KIF26B: variants seen among roughly 807,000 people sequenced by gnomAD.
KIF26B encodes the protein kinesin-like protein KIF26B.
In KIF26B, 63 loss-of-function variants were observed where a neutral mutation model predicts 151.2. The observed-to-expected ratio is 0.42, with a 90% CI of 0.34 to 0.51. KIF26B has a LOEUF of 0.51. Among genes scored for constraint, KIF26B ranks in the 20% least tolerant of loss-of-function variants. The pLI is 0.07. For missense variants in KIF26B, 2,813 were observed against 2,913.6 expected (o/e 0.97, Z 0.79); for synonymous variants, 1,357 against 1,262.1 (o/e 1.08, Z -1.59).
chr1:245,399,724 T>C (rs900426632), intron 3 of KIF26B, among the ~76,000 whole-genome samples: 1 of 152,186 alleles, frequency 6.6e-6, no homozygotes, highest in Admixed American at 6.5e-5. Context: ...GTAAAGGGTA[T>C]GTTCAGCAAT....
intron 2 of KIF26B, among the ~76,000 whole-genome samples, chr1:245,168,848 C>T (rs1327560725): frequency 1.3e-5 from 2 of 152,126 alleles, no homozygotes; most frequent in East Asian, 1.9e-4. Context: ...GGTAGCTGCC[C>T]GCTGAGTCAA....
chr1:245,412,313 A>G (rs1674306040), intron 3 of KIF26B, among the ~76,000 whole-genome samples: 1 of 152,204 alleles, frequency 6.6e-6, no homozygotes, highest in South Asian at 2.1e-4. Context: ...ATGTTATTAA[A>G]TGTTATTTTC....
At chr1:245,635,099 T>G (rs886422631) in intron 9 of KIF26B, among the ~76,000 whole-genome samples, 53 of 27,540 alleles carry the variant, frequency 1.9e-3, no homozygotes, top group African/African-American at 4.4e-3. Context: ...GGTTTTTGTG[T>G]TTTTTTTTTT....
chr1:245,689,555 C>G (rs557842499), intron 12 of KIF26B, among the ~76,000 whole-genome samples: 6 of 152,324 alleles, frequency 3.9e-5, no homozygotes, highest in Admixed American at 3.3e-4. Context: ...AAAGTCTTTG[C>G]CATTTCTTTT....
At chr1:245,473,471 C>T (rs1333211423) in intron 4 of KIF26B, among the ~76,000 whole-genome samples, 2 of 151,892 alleles carry the variant, frequency 1.3e-5, no homozygotes, top group African/African-American at 2.4e-5. Flanking sequence ...GTGCCCCCAT[C>T]GACAAAAGAG....
intron 5 of KIF26B, among the ~76,000 whole-genome samples, chr1:245,562,008 T>C (rs952874173): frequency 9.9e-5 from 15 of 152,164 alleles, no homozygotes; most frequent in South Asian, 2.1e-4. Context: ...CCCAGGGCCG[T>C]TGCGGATTGC....
At chr1:245,204,644 G>C (rs775947478) in intron 2 of KIF26B, among the ~76,000 whole-genome samples, 3 of 152,112 alleles carry the variant, frequency 2.0e-5, no homozygotes, top group Non-Finnish European at 4.4e-5. Context: ...AAAGTGCTGG[G>C]ATTACAGGCG....
chr1:245,391,752 T>C (rs1572038790), intron 3 of KIF26B, among the ~76,000 whole-genome samples: 1 of 152,134 alleles, frequency 6.6e-6, no homozygotes, highest in East Asian at 1.9e-4. Flanking sequence ...TTACATTTCA[T>C]ACAATATTTA....
chr1:245,238,154 G>A (rs949246888), intron 2 of KIF26B, among the ~76,000 whole-genome samples: 2 of 152,012 alleles, frequency 1.3e-5, no homozygotes, highest in South Asian at 4.1e-4. Flanking sequence ...CCAACATGGT[G>A]AGACCCCATC....
chr1:245,340,000 C>T (rs1672305783), intron 2 of KIF26B, among the ~76,000 whole-genome samples: 1 of 152,234 alleles, frequency 6.6e-6, no homozygotes, highest in Non-Finnish European at 1.5e-5. Flanking sequence ...TCTGGAAACC[C>T]ATTTCCCCCC....
intron 4 of KIF26B, among the ~76,000 whole-genome samples, chr1:245,482,979 T>C (rs10924210): frequency 0.1 from 15,432 of 151,540 alleles, 982 homozygotes; most frequent in South Asian, 0.13. Flanking sequence ...GTCCAAGCTG[T>C]TGGAAAAAGC....
rs1172397969 is a variant in KIF26B at position 245,374,059 on chromosome 1, CAAAA to C, written c.999+6725_999+6728del. On this transcript the variant is annotated intron_variant, in intron 3 of 14. Coordinates refer to ENST00000407071, the MANE Select transcript of KIF26B (RefSeq NM_018012.4). ...GTGACAGAGACCCGAGAACCTATCT[CAAAA>C]AAAAAAAAAAAAAAAAAAAAAAAAA... Among the ~76,000 whole-genome samples the C allele has an allele frequency of 2.7e-3, 48 of 17,464 alleles. 6 individuals carry two copies. Among genetic ancestry groups the C allele is most frequent in the South Asian group, 4.0e-3 (1 of 248 alleles). 11.5% of individuals were successfully genotyped at this position (17,464 alleles called of 152,430 possible).
chr1:245,652,691 G>A (rs560147784), intron 10 of KIF26B, among the ~76,000 whole-genome samples: 1 of 152,238 alleles, frequency 6.6e-6, no homozygotes, highest in East Asian at 1.9e-4. Context: ...TTCAAGCTTT[G>A]GTTGTTCTGC....
intron 8 of KIF26B, among the ~76,000 whole-genome samples, chr1:245,610,589 G>A (rs1323478973): frequency 1.3e-5 from 2 of 152,164 alleles, no homozygotes; most frequent in South Asian, 2.1e-4. Flanking sequence ...AGTAGGACTC[G>A]ACCCACTGCT....
At chr1:245,319,607 T>C (rs376200117) in intron 2 of KIF26B, among the ~76,000 whole-genome samples, 23 of 152,218 alleles carry the variant, frequency 1.5e-4, no homozygotes, top group Middle Eastern at 3.4e-3. Context: ...TGTCCTCTCG[T>C]GTGTGTGTGC....
At chr1:245,700,312 C>T (rs2044752727) in intron 14 of KIF26B, among the ~76,000 whole-genome samples, 1 of 152,190 alleles carries the variant, frequency 6.6e-6, no homozygotes, top group African/African-American at 2.4e-5. Flanking sequence ...CGTTGGTCCT[C>T]TTGGTGCTTA....
intron 2 of KIF26B, among the ~76,000 whole-genome samples, chr1:245,354,409 G>T (rs114129112): frequency 6.6e-6 from 1 of 152,160 alleles, no homozygotes; most frequent in Non-Finnish European, 1.5e-5. Flanking sequence ...GACCAGCCTC[G>T]TAAGCCATGA....
At chr1:245,529,887 A>T (rs1330235753) in intron 4 of KIF26B, among the ~76,000 whole-genome samples, 1 of 152,170 alleles carries the variant, frequency 6.6e-6, no homozygotes, top group African/African-American at 2.4e-5. Context: ...TGAAGAGACA[A>T]CCCACAGAAT....
rs368452963 is a variant in KIF26B at position 245,686,762 on chromosome 1, C to T, written c.3779C>T (p.Pro1260Leu). 131 of 1,613,316 alleles carry T rather than the reference C, an allele frequency of 8.1e-5. 1 individual carries two copies. The highest frequency in any genetic ancestry group is 3.5e-4 in the South Asian group (32 of 91,040). The change falls in exon 12 of 15, where the codon CCG becomes CTG. Residue 1260 changes from proline to leucine, a missense_variant. Around this residue, in one of 3 missense-constraint regions of KIF26B, gnomAD observed 2,060 missense variants for 2,088.6 expected, o/e 0.99. Transcript: ENST00000407071. The surrounding 1 kb of genome is among the most constrained non-coding windows in gnomAD (Gnocchi z 5.6). ...EVSITQFLPLPKMSLDEKAQD... is the reference protein window; with the variant it reads ...EVSITQFLPLLKMSLDEKAQD... ...AGCATCACACAGTTCTTGCCCCTCC[C>T]GAAGATGAGCCTGGATGAGAAGGCC...
Sources: gnomAD v4.1 joint callset for allele counts (sites outside exome capture counted in the v4.1 genomes callset) on GRCh38, gnomAD v4.1.1 for gene constraint, gnomAD v4.1.1 regional missense constraint, Gnocchi (gnomAD v3.1) non-coding constraint, MANE v1.5 for transcripts, NCBI Gene and HGNC (gene_info 2026-07-23, HGNC 2026-07-21) for gene names.